The following HMGCLL1 variants were observed in gnomAD, a reference collection of about 807,000 sequenced individuals.
HMGCLL1 encodes 3-hydroxy-3-methylglutaryl-CoA lyase like 1.
A neutral mutation model predicts 39.1 loss-of-function variants in HMGCLL1; 36 were observed. The ratio of observed to expected loss-of-function variants is 0.92; its 90% CI spans 0.71 to 1.22. The LOEUF is 1.22. HMGCLL1 is among the 50% of genes most tolerant of loss of function. The pLI is 0.00. For synonymous variants in HMGCLL1, 149 were observed against 144.0 expected, an observed-to-expected ratio of 1.03 and a Z score of -0.25; for missense variants, 451 against 416.5, an observed-to-expected ratio of 1.08 and a Z score of -0.72.
At chr6:55,502,721 T>G (rs1208284291) in intron 5 of HMGCLL1, among the ~76,000 whole-genome samples, 1 of 151,486 alleles carries the variant, frequency 6.6e-6, no homozygotes, top group African/African-American at 2.4e-5. Context: ...TGGTTTTTTT[T>G]TTTTTGCTTG....
intron 3 of HMGCLL1, among the ~76,000 whole-genome samples, chr6:55,518,121 C>T (rs561756617): frequency 6.6e-5 from 10 of 152,142 alleles, no homozygotes; most frequent in Non-Finnish European, 1.5e-4. Context: ...ATGTCCAAAG[C>T]TCTATGCTAG....
chr6:55,621,689 C>T, the HMGCLL1 span, among the ~76,000 whole-genome samples: 3 of 151,954 alleles, frequency 2.0e-5, no homozygotes, highest in South Asian at 2.1e-4. Context: ...TATTTCATTA[C>T]ATATTACAGT....
the HMGCLL1 span, among the ~76,000 whole-genome samples, chr6:55,657,695 GGTACATATACACCA>G: frequency 2.0e-5 from 3 of 151,924 alleles, no homozygotes; most frequent in South Asian, 6.2e-4. Context: ...AAGGAAATTT[GGTACATATACACCA>G]TGGAATACTA....
At chr6:55,505,486 A>G (rs558192168) in intron 5 of HMGCLL1, among the ~76,000 whole-genome samples, 1 of 151,820 alleles carries the variant, frequency 6.6e-6, no homozygotes, top group African/African-American at 2.4e-5. Context: ...AAGTGAATGA[A>G]CAATATATTT....
At chr6:55,492,953 C>G (rs1272275024) in intron 7 of HMGCLL1, among the ~76,000 whole-genome samples, 1 of 151,978 alleles carries the variant, frequency 6.6e-6, no homozygotes, top group Non-Finnish European at 1.5e-5. Context: ...CAGTATCGAT[C>G]TCTCCCCTCA....
the HMGCLL1 span, among the ~76,000 whole-genome samples, chr6:55,590,402 A>G: frequency 0.085 from 12,967 of 152,254 alleles, 750 homozygotes; most frequent in Non-Finnish European, 0.13. Flanking sequence ...AAATTAATTC[A>G]AGATGGATTA....
the HMGCLL1 span, among the ~76,000 whole-genome samples, chr6:55,608,209 A>G: frequency 2.1e-4 from 32 of 152,294 alleles, no homozygotes; most frequent in Non-Finnish European, 4.6e-4. Flanking sequence ...ATCTTCCTTC[A>G]AAAGTCTCAT....
At chr6:55,537,844 G>A (rs1401224009) in intron 3 of HMGCLL1, among the ~76,000 whole-genome samples, 1 of 152,182 alleles carries the variant, frequency 6.6e-6, no homozygotes, top group Non-Finnish European at 1.5e-5. Flanking sequence ...AATACTTTGA[G>A]CCTTGGAAGA....
Position 55,439,426 on chromosome 6 carries a change from T to C in HMGCLL1, c.921+8A>G. The C allele has an allele frequency of 6.2e-7, 1 of 1,603,890 alleles. No individual in the cohort carries two copies. Among genetic ancestry groups the C allele is most frequent in the East Asian group, 2.2e-5 (1 of 44,692 alleles). ...GCATGAATATTAAAATACGTTAAAG[T>C]AACTTACTGTATTGAGCCCCAGGCC... On this transcript the variant is annotated splice_region_variant and intron_variant, in intron 8 of 8. Transcript: ENST00000274901.
chr6:55,472,023 T>G (rs191607136), intron 7 of HMGCLL1, among the ~76,000 whole-genome samples: 1 of 151,896 alleles, frequency 6.6e-6, no homozygotes, highest in South Asian at 2.1e-4. Context: ...GTGATACATA[T>G]ATTCAGAATC....
At chr6:55,496,276 T>C (rs1766573290) in intron 6 of HMGCLL1, among the ~76,000 whole-genome samples, 1 of 152,184 alleles carries the variant, frequency 6.6e-6, no homozygotes. Flanking sequence ...TAATCTATTT[T>C]TCTCATTTAC....
the HMGCLL1 span, among the ~76,000 whole-genome samples, chr6:55,618,377 A>G: frequency 3.3e-5 from 5 of 152,070 alleles, no homozygotes; most frequent in African/African-American, 9.7e-5. Context: ...TGGCCTATAG[A>G]GCAAATCATT....
chr6:55,477,716 T>C (rs1209975404), intron 7 of HMGCLL1, among the ~76,000 whole-genome samples: 1 of 149,468 alleles, frequency 6.7e-6, no homozygotes, highest in Non-Finnish European at 1.5e-5. Flanking sequence ...AGCAGTGACT[T>C]CTAATAAATT....
At chr6:55,470,527 T>C (rs1308186116) in intron 7 of HMGCLL1, among the ~76,000 whole-genome samples, 2 of 151,860 alleles carry the variant, frequency 1.3e-5, no homozygotes, top group African/African-American at 2.4e-5. Flanking sequence ...TTGACATATT[T>C]CATTTTTTTC....
chr6:55,542,315 G>T (rs532388586), intron 1 of HMGCLL1, among the ~76,000 whole-genome samples, 175 bp from the exon 2 acceptor site: 2 of 152,088 alleles, frequency 1.3e-5, no homozygotes, highest in South Asian at 2.1e-4. Context: ...GCAACATGAA[G>T]TATTTTTTCC....
At chr6:55,656,447 T>C in the HMGCLL1 span, among the ~76,000 whole-genome samples, 1 of 151,996 alleles carries the variant, frequency 6.6e-6, no homozygotes, top group Admixed American at 6.6e-5. Context: ...GTGGGGCATA[T>C]AACTAACTTA....
At chr6:55,620,960 A>C in the HMGCLL1 span, among the ~76,000 whole-genome samples, 1 of 151,794 alleles carries the variant, frequency 6.6e-6, no homozygotes, top group African/African-American at 2.4e-5. Flanking sequence ...TCTGTGTTCC[A>C]TGTGCTTTTC....
chr6:55,578,901 T>A, intron 1 of HMGCLL1, 47 bp downstream of exon 1: 3 of 1,385,090 alleles, frequency 2.2e-6, no homozygotes, highest in Non-Finnish European at 2.0e-6. Context: ...AGGCTGGCTG[T>A]CAGTGTGCGC....
intron 3 of HMGCLL1, among the ~76,000 whole-genome samples, chr6:55,533,144 A>C (rs1466831915): frequency 6.6e-6 from 1 of 151,714 alleles, no homozygotes; most frequent in Non-Finnish European, 1.5e-5. Flanking sequence ...TACCACTATT[A>C]CATAAGTAAC....
Sources: allele counts gnomAD v4.1 joint callset (sites outside exome capture counted in the v4.1 genomes callset), GRCh38; gene constraint gnomAD v4.1.1; transcripts MANE v1.5; gene names NCBI Gene and HGNC (gene_info 2026-07-23, HGNC 2026-07-21).